The following PHF20 variants were observed in gnomAD, a reference collection of about 807,000 sequenced individuals.
PHF20 encodes PHD finger protein 20.
PHF20 carries 23 observed loss-of-function variants against 113.5 expected under a neutral mutation model. That is an observed-to-expected ratio of 0.20 (90% CI 0.15 to 0.29). The LOEUF (loss-of-function observed/expected upper bound fraction) is 0.29, where lower values mean the gene tolerates loss of function less well. PHF20 is among the 10% of genes least tolerant of loss of function. The pLI, the probability that PHF20 is intolerant of heterozygous loss-of-function variation, is 1.00. For synonymous variants in PHF20, 434 were observed against 457.3 expected, an observed-to-expected ratio of 0.95 and a Z score of 0.65; for missense variants, 943 against 1,219.6, an observed-to-expected ratio of 0.77 and a Z score of 3.38.
At position 35,814,689 on chromosome 20, in the gene PHF20, C is replaced by G. The variant is rs1329726187; in HGVS notation, c.83+13084C>G. Among the ~76,000 whole-genome samples, 8 of 147,340 alleles carry G rather than the reference C, an allele frequency of 5.4e-5. No homozygotes were observed. The South Asian group carries it at 1.7e-3, about 31-fold the overall frequency. On this transcript the variant is annotated intron_variant, in intron 2 of 17. Transcript: ENST00000374012. ...GAGATCGAGACCATCCCGGCTAAAA[C>G]GGTGAAACCCCGTCTCTACTAAAAA...
chr20:35,822,117 A>T (rs374442172), intron 2 of PHF20, among the ~76,000 whole-genome samples: 103 of 152,314 alleles, frequency 6.8e-4, no homozygotes, highest in African/African-American at 2.3e-3. Context: ...GACATCTGGG[A>T]GTTGGGCTGA....
intron 2 of PHF20, among the ~76,000 whole-genome samples, chr20:35,811,802 G>A (rs933204362): frequency 1.2e-4 from 18 of 149,310 alleles, no homozygotes; most frequent in Non-Finnish European, 2.2e-4. Context: ...ACGGAGTCTC[G>A]CTCTGTCTCC....
At chr20:35,864,996 G>A (rs1480473978) in intron 6 of PHF20, among the ~76,000 whole-genome samples, 2 of 152,052 alleles carry the variant, frequency 1.3e-5, no homozygotes, top group African/African-American at 4.8e-5. Context: ...GACCAGCCTG[G>A]CCAACATGGT....
intron 14 of PHF20, chr20:35,928,490 G>A (rs2055689668): frequency 7.0e-6 from 1 of 143,446 alleles, no homozygotes; most frequent in African/African-American, 2.6e-5. Flanking sequence ...CAACAATACA[G>A]TATTGTTGTT....
chr20:35,908,784 A>T (rs962705429), intron 10 of PHF20, among the ~76,000 whole-genome samples: 7 of 152,182 alleles, frequency 4.6e-5, no homozygotes, highest in African/African-American at 1.7e-4. Context: ...TTTCAGTTCC[A>T]TTGGAGCCAT....
At chr20:35,913,901 C>A in intron 11 of PHF20, 132 bp from the exon 12 acceptor site, 1 of 790,782 alleles carries the variant, frequency 1.3e-6, no homozygotes, top group Admixed American at 2.5e-5. Context: ...CTCTCCACAC[C>A]TCTTTTTGGT....
chr20:35,860,248 T>TC (rs2054195839), intron 5 of PHF20, among the ~76,000 whole-genome samples: 1 of 148,254 alleles, frequency 6.7e-6, no homozygotes, highest in South Asian at 2.3e-4. Context: ...TTTTTTTTTT[T>TC]TTTTTTTTTT....
At chr20:35,907,136 A>C (rs1973716441) in intron 10 of PHF20, among the ~76,000 whole-genome samples, 1 of 152,198 alleles carries the variant, frequency 6.6e-6, no homozygotes. Flanking sequence ...GTGTACAAGC[A>C]GTTACCCCAT....
intron 17 of PHF20, among the ~76,000 whole-genome samples, chr20:35,943,609 C>A (rs534726052): frequency 6.7e-6 from 1 of 148,814 alleles, no homozygotes; most frequent in African/African-American, 2.5e-5. Context: ...ATGAATAGTA[C>A]TTTATTTATT....
At chr20:35,933,525 T>A (rs1380281102) in intron 15 of PHF20, among the ~76,000 whole-genome samples, 2 of 151,766 alleles carry the variant, frequency 1.3e-5, no homozygotes, top group African/African-American at 4.8e-5. Flanking sequence ...GCCTCCCGAG[T>A]AGCTGGGACT....
chr20:35,944,803 G>A (rs1321251883), intron 17 of PHF20, among the ~76,000 whole-genome samples: 1 of 152,140 alleles, frequency 6.6e-6, no homozygotes, highest in African/African-American at 2.4e-5. Flanking sequence ...CTGACCTCAG[G>A]TGATCCACCT....
chr20:35,924,234 C>G (rs1194810580), intron 13 of PHF20, among the ~76,000 whole-genome samples: 1 of 149,406 alleles, frequency 6.7e-6, no homozygotes, highest in East Asian at 1.9e-4. Context: ...TCTTGTCGCC[C>G]AGGCTGGGGT....
At chr20:35,831,928 C>A (rs2042363753) in intron 2 of PHF20, among the ~76,000 whole-genome samples, 1 of 152,172 alleles carries the variant, frequency 6.6e-6, no homozygotes, top group Non-Finnish European at 1.5e-5. Context: ...CCTTGTGGAC[C>A]AGCAGCTCTG....
chr20:35,862,406 C>T (rs545857199), intron 5 of PHF20, among the ~76,000 whole-genome samples: 8 of 152,260 alleles, frequency 5.3e-5, no homozygotes, highest in East Asian at 3.9e-4. Flanking sequence ...GCATTTTCTT[C>T]GAACACCTTT....
At chr20:35,837,398 G>T (rs898542944) in intron 2 of PHF20, among the ~76,000 whole-genome samples, 3 of 152,142 alleles carry the variant, frequency 2.0e-5, no homozygotes, top group African/African-American at 4.8e-5. Flanking sequence ...GGTTGGAAAT[G>T]TAACTCCCAG....
chr20:35,943,103 G>A (rs1019147898), intron 17 of PHF20, among the ~76,000 whole-genome samples: 10 of 152,126 alleles, frequency 6.6e-5, no homozygotes, highest in South Asian at 2.1e-4. Flanking sequence ...GATTATAGAC[G>A]TGAGCCACCG....
At chr20:35,946,652 TTTTATTTTATTTTATTTTATTTTATTTTA>T (rs1568815187) in intron 17 of PHF20, among the ~76,000 whole-genome samples, 1 of 142,400 alleles carries the variant, frequency 7.0e-6, no homozygotes, top group African/African-American at 2.6e-5. Flanking sequence ...GCTTTTTATT[TTTTATTTTATTTTATTTTATTTTATTTTA>T]TTTATTTTAT....
intron 6 of PHF20, among the ~76,000 whole-genome samples, chr20:35,864,404 C>T (rs1207593426): frequency 8.6e-6 from 1 of 116,428 alleles, no homozygotes; most frequent in African/African-American, 3.7e-5. Flanking sequence ...CACCCCATCT[C>T]AAAACACACA....
chr20:35,851,842 G>C (rs2042738667), intron 4 of PHF20, among the ~76,000 whole-genome samples: 2 of 151,776 alleles, frequency 1.3e-5, no homozygotes, highest in South Asian at 4.2e-4. Flanking sequence ...TTGAACTCAG[G>C]AGGCAGAAGT....
Sources: gnomAD v4.1 joint callset for allele counts (sites outside exome capture counted in the v4.1 genomes callset) on GRCh38, gnomAD v4.1.1 for gene constraint, MANE v1.5 for transcripts, NCBI Gene and HGNC (gene_info 2026-07-23, HGNC 2026-07-21) for gene names.